OXR1: variants seen among roughly 807,000 people sequenced by gnomAD.
OXR1 encodes oxidation resistance protein 1.
A neutral mutation model predicts 104.6 loss-of-function variants in OXR1; 41 were observed. That is an observed-to-expected ratio of 0.39 (90% CI 0.31 to 0.51). The LOEUF is 0.51. OXR1 is among the 20% of genes least tolerant of loss of function. The pLI is 0.77. For missense variants in OXR1, 955 were observed against 1,031.9 expected (o/e 0.93, Z 1.02); for synonymous variants, 348 against 348.4 (o/e 1.00, Z 0.01).
intron 2 of OXR1, among the ~76,000 whole-genome samples, chr8:106,376,914 A>G (rs1010511675): frequency 1.3e-5 from 2 of 152,214 alleles, no homozygotes; most frequent in Non-Finnish European, 2.9e-5. Context: ...TCTAATTAAT[A>G]CAAGTATCCC....
At chr8:106,360,314 GAGTA>G (rs1816185868) in intron 2 of OXR1, among the ~76,000 whole-genome samples, 4 of 152,240 alleles carry the variant, frequency 2.6e-5, no homozygotes, top group Middle Eastern at 6.8e-3. Context: ...ATAACGAGAT[GAGTA>G]AGTGACATTT....
At chr8:106,345,015 T>G (rs1370977975) in intron 1 of OXR1, among the ~76,000 whole-genome samples, 1 of 152,214 alleles carries the variant, frequency 6.6e-6, no homozygotes, top group African/African-American at 2.4e-5. Context: ...TTTTGTCCAA[T>G]TGCACTTAAA....
intron 1 of OXR1, among the ~76,000 whole-genome samples, chr8:106,329,806 G>A (rs1814635961): frequency 6.6e-6 from 1 of 152,022 alleles, no homozygotes. Context: ...GGGTTGCATG[G>A]GTGTGAGTGT....
chr8:106,714,164 T>C (rs1206768309), intron 11 of OXR1, among the ~76,000 whole-genome samples, 179 bp downstream of exon 11: 1 of 152,046 alleles, frequency 6.6e-6, no homozygotes. Flanking sequence ...TTTAATACTA[T>C]ATTTGTCATT....
intron 2 of OXR1, among the ~76,000 whole-genome samples, chr8:106,397,723 A>G (rs1357056481): frequency 2.0e-5 from 3 of 152,146 alleles, no homozygotes; most frequent in Non-Finnish European, 4.4e-5. Context: ...TTTAAAAGTC[A>G]ACATGACCCA....
intron 3 of OXR1, among the ~76,000 whole-genome samples, chr8:106,665,951 A>G (rs1175209305): frequency 6.6e-6 from 1 of 152,078 alleles, no homozygotes; most frequent in East Asian, 1.9e-4. Flanking sequence ...GTGAGAATAT[A>G]ACAAAAAAAA....
intron 6 of OXR1, among the ~76,000 whole-genome samples, chr8:106,690,202 CTTATATA>C (rs1230237529): frequency 6.7e-6 from 1 of 150,128 alleles, no homozygotes; most frequent in Non-Finnish European, 1.5e-5. Flanking sequence ...TGATATATAA[CTTATATA>C]TTAAATGTAA....
chr8:106,339,517 AAAATATATATATATATATATATATAT>A (rs1815129049), intron 1 of OXR1, among the ~76,000 whole-genome samples: 1 of 29,308 alleles, frequency 3.4e-5, no homozygotes, highest in Non-Finnish European at 5.4e-5. Context: ...AAAAAAAAAA[AAAATATATATATATATATATATATAT>A]ATATATATAT....
intron 2 of OXR1, among the ~76,000 whole-genome samples, chr8:106,436,528 A>AAAC (rs1819580375): frequency 1.3e-5 from 2 of 151,978 alleles, no homozygotes; most frequent in African/African-American, 4.8e-5. Flanking sequence ...TATGCAAAAA[A>AAAC]AAAAAATGAA....
intron 3 of OXR1, chr8:106,618,177 C>G (rs942477038): frequency 1.3e-6 from 2 of 1,535,508 alleles, no homozygotes; most frequent in Admixed American, 2.0e-5. Flanking sequence ...GTTCTGCCAG[C>G]GCAAAGGTAT....
chr8:106,289,684 A>G (rs138096993), intron 1 of OXR1, among the ~76,000 whole-genome samples: 2 of 152,290 alleles, frequency 1.3e-5, no homozygotes, highest in Non-Finnish European at 2.9e-5. Context: ...CTATCCTACA[A>G]AGCTATAGTA....
At chr8:106,658,480 TTC>T (rs1175596735) in intron 3 of OXR1, among the ~76,000 whole-genome samples, 2 of 152,202 alleles carry the variant, frequency 1.3e-5, no homozygotes, top group South Asian at 2.1e-4. Context: ...GGACGATCCA[TTC>T]TCTCTTTCCC....
In OXR1 at chr8:106,315,069, G is replaced by A. The variant is rs560463352; in HGVS notation, c.-138-44407G>A. Among the ~76,000 whole-genome samples, 59 of 151,928 alleles carry A rather than the reference G, an allele frequency of 3.9e-4. No individual in the cohort carries two copies. In the South Asian group the frequency reaches 8.9e-3, roughly 23 times the overall value. ...TTTTTTGTAAACTTGTCGAGTGGGCGTTTATTTGAGAGGCATTGTAGTAGA... is the reference window on the plus strand; with the variant it reads ...TTTTTTGTAAACTTGTCGAGTGGGCATTTATTTGAGAGGCATTGTAGTAGA... On this transcript the variant is annotated intron_variant, in intron 1 of 16. Coordinates refer to ENST00000517566, the MANE Select transcript of OXR1 (RefSeq NM_001198533.2).
At chr8:106,385,749 A>G (rs966615162) in intron 2 of OXR1, among the ~76,000 whole-genome samples, 2 of 151,968 alleles carry the variant, frequency 1.3e-5, no homozygotes, top group Non-Finnish European at 2.9e-5. Context: ...TTGTTATCCA[A>G]TTTGTTATGC....
rs1248803326 is a variant in OXR1 at position 106,580,468 on chromosome 8, T to C, written c.220+61329T>C. 3.9e-5 allele frequency among the ~76,000 whole-genome samples: 6 copies of C among 152,356 alleles called. No homozygotes were observed. In the East Asian group the frequency reaches 1.2e-3, roughly 29 times the overall value. ...ATACCACATTTGTATATCTATTCAT[T>C]CATTGGTGGACAAGTAGTTTGATGC... is the stretch of plus-strand genomic sequence containing the variant. On this transcript the variant is annotated intron_variant, in intron 3 of 16. Coordinates refer to ENST00000517566, the MANE Select transcript of OXR1 (RefSeq NM_001198533.2).
At chr8:106,438,349 TA>T (rs1346011782) in intron 2 of OXR1, among the ~76,000 whole-genome samples, 1 of 152,106 alleles carries the variant, frequency 6.6e-6, no homozygotes, top group Non-Finnish European at 1.5e-5. Flanking sequence ...ACATATGCTG[TA>T]AATGAAAAAC....
intron 1 of OXR1, among the ~76,000 whole-genome samples, chr8:106,280,125 A>G (rs977861822): frequency 1.3e-5 from 2 of 152,254 alleles, no homozygotes; most frequent in Admixed American, 6.5e-5. Context: ...GGGCAGGCAC[A>G]TTAGACTGAT....
chr8:106,351,051 A>G (rs1192117577), intron 1 of OXR1, among the ~76,000 whole-genome samples: 1 of 152,222 alleles, frequency 6.6e-6, no homozygotes, highest in Non-Finnish European at 1.5e-5. Context: ...ACATTTTAGG[A>G]GTCTAGAACC....
intron 3 of OXR1, among the ~76,000 whole-genome samples, chr8:106,646,266 T>C (rs1399168674): frequency 2.0e-5 from 3 of 151,932 alleles, no homozygotes; most frequent in Admixed American, 6.6e-5. Flanking sequence ...CCACCAAGCC[T>C]GACTAATTTT....
Sources: gnomAD v4.1 joint callset for allele counts (sites outside exome capture counted in the v4.1 genomes callset) on GRCh38, gnomAD v4.1.1 for gene constraint, MANE v1.5 for transcripts, NCBI Gene and HGNC (gene_info 2026-07-23, HGNC 2026-07-21) for gene names.